The following SLC22A16 variants were observed in gnomAD, a reference collection of about 807,000 sequenced individuals.
SLC22A16 encodes the protein WUGSC:RG331P03.1.
A neutral mutation model predicts 52.9 loss-of-function variants in SLC22A16; 53 were observed. That is an observed-to-expected ratio of 1.00 (90% confidence interval 0.80 to 1.26). SLC22A16 has a LOEUF of 1.26. Among genes scored for constraint, SLC22A16 ranks in the 50% most tolerant of loss-of-function variants. The pLI is 0.00. For synonymous variants in SLC22A16, 291 were observed against 268.8 expected (o/e 1.08, Z -0.81); for missense variants, 726 against 704.0 (o/e 1.03, Z -0.35).
intron 7 of SLC22A16, among the ~76,000 whole-genome samples, chr6:110,426,050 A>G (rs1291327510): frequency 2.0e-5 from 3 of 152,250 alleles, no homozygotes; most frequent in Non-Finnish European, 2.9e-5. Context: ...GCCAGATCAC[A>G]TCCATAACAG....
chr6:110,442,260 T>G lies in SLC22A16; in HGVS notation c.1167A>C (p.Leu389Phe). 1 of 1,614,000 alleles carries G rather than the reference T, an allele frequency of 6.2e-7. No individual in the cohort carries two copies. The highest frequency in any genetic ancestry group is 8.5e-7 in the Non-Finnish European group (1 of 1,179,950). The change falls in exon 4 of 8, where the codon TTA becomes TTC. Residue 389 changes from leucine to phenylalanine, a missense_variant. Leu to Phe is a conservative substitution (Grantham distance 22). Coordinates refer to ENST00000368919, the MANE Select transcript of SLC22A16 (RefSeq NM_033125.4). ...ACTACTTACCCAGGAGGAAGAGGTT[T>G]AAGTATTCATTGCCTCCTAAGTTAA... ...NSVNLGGNEY[L>F]NLFLLGVVEI...
Position 110,456,545 on chromosome 6 carries a change from A to AGTC in SLC22A16, c.525_526insGAC (p.Phe175_Ser176insAsp), listed in dbSNP as rs1197474858. On this transcript the variant is annotated inframe_insertion, in exon 2 of 8. Transcript: ENST00000368919. The stretch of plus-strand genomic sequence containing the variant: ...CTAAATATTTGATTTTACCTGTCAG[A>AGTC]AAAGTAGCCAAAAGTCACCGATCCC... 6.2e-7 allele frequency: 1 copy of AGTC among 1,613,784 alleles called. No individual in the cohort carries two copies.
chr6:110,447,106 T>C, intron 2 of SLC22A16, 116 bp from the exon 3 acceptor site: 2 of 759,068 alleles, frequency 2.6e-6, no homozygotes, highest in Non-Finnish European at 2.1e-6. Flanking sequence ...GCTTATGTAT[T>C]GATTGTTTTT....
Position 110,456,804 on chromosome 6 carries a change from C to A in SLC22A16, c.267G>T (p.Gln89His). ...GCTCCCAGATCTCACCATTCTGCAACTGCACCGTAACATAATCTTTCTGGC... is the reference window on the plus strand; with the variant it reads ...GCTCCCAGATCTCACCATTCTGCAAATGCACCGTAACATAATCTTTCTGGC... ...SSGQKDYVTV[Q>H]LQNGEIWELS... The change falls in exon 2 of 8, where the codon CAG becomes CAT. Residue 89 changes from glutamine (Q) to histidine (H), a missense_variant. Gln to His is a conservative substitution (Grantham distance 24). Transcript: ENST00000368919. 6.2e-7 allele frequency: 1 copy of A among 1,614,220 alleles called. No individual in the cohort carries two copies. The highest frequency in any genetic ancestry group is 8.5e-7 in the Non-Finnish European group (1 of 1,180,040).
intron 7 of SLC22A16, among the ~76,000 whole-genome samples, chr6:110,429,823 C>A (rs1334510545): frequency 6.6e-6 from 1 of 152,084 alleles, no homozygotes; most frequent in Non-Finnish European, 1.5e-5. Context: ...AAGCGGATAC[C>A]TGGAAGGCTA....
At chr6:110,454,830 AAT>A (rs796683846) in intron 2 of SLC22A16, among the ~76,000 whole-genome samples, 78 of 65,530 alleles carry the variant, frequency 1.2e-3, no homozygotes, top group African/African-American at 2.5e-3. Flanking sequence ...TATATTATAT[AAT>A]ATATATATTA....
chr6:110,427,656 C>T (rs1034851915), intron 7 of SLC22A16, among the ~76,000 whole-genome samples: 5 of 152,126 alleles, frequency 3.3e-5, no homozygotes, highest in African/African-American at 1.2e-4. Context: ...CGCACCACCA[C>T]GCTCGGCTAA....
At chr6:110,466,737 A>G (rs539754785) in intron 1 of SLC22A16, among the ~76,000 whole-genome samples, 1 of 152,310 alleles carries the variant, frequency 6.6e-6, no homozygotes, top group African/African-American at 2.4e-5. Flanking sequence ...AGAACTAAAA[A>G]TAGGACTACC....
intron 1 of SLC22A16, among the ~76,000 whole-genome samples, chr6:110,470,674 T>G (rs1273389626): frequency 6.6e-6 from 1 of 152,082 alleles, no homozygotes; most frequent in Non-Finnish European, 1.5e-5. Flanking sequence ...TCTCTTTGTG[T>G]CTTTTTCTCT....
At chr6:110,443,369 CA>C (rs1775049731) in intron 3 of SLC22A16, among the ~76,000 whole-genome samples, 1 of 152,076 alleles carries the variant, frequency 6.6e-6, no homozygotes, top group Non-Finnish European at 1.5e-5. Context: ...TAAAATCCAA[CA>C]ACAGCAAAAA....
chr6:110,476,400 G>T (rs1434587002), intron 1 of SLC22A16, 122 bp downstream of exon 1: 8 of 1,388,230 alleles, frequency 5.8e-6, no homozygotes, highest in Non-Finnish European at 7.4e-6. Context: ...ACTGCGCGGG[G>T]TGAGGAGGAA....
intron 4 of SLC22A16, chr6:110,440,431 C>T (rs1264752351): frequency 6.6e-6 from 1 of 152,142 alleles, no homozygotes; most frequent in African/African-American, 2.4e-5. Flanking sequence ...AAGGGAGAGA[C>T]TAAATTCTTC....
At position 110,451,811 on chromosome 6, in the gene SLC22A16, T is replaced by A. The variant is rs540900138; in HGVS notation, c.533+4727A>T. 7.2e-5 allele frequency among the ~76,000 whole-genome samples: 11 copies of A among 152,358 alleles called. No individual in the cohort carries two copies. In the South Asian group the frequency reaches 1.9e-3, roughly 26 times the overall value. On this transcript the variant is annotated intron_variant, in intron 2 of 7. Coordinates refer to ENST00000368919, the MANE Select transcript of SLC22A16 (RefSeq NM_033125.4). ...TTTTTCTTTCATGATCAATGTTTTTTGTGTTTTAGAAAAATCACCCTTTCT... is the reference window on the plus strand; with the variant it reads ...TTTTTCTTTCATGATCAATGTTTTTAGTGTTTTAGAAAAATCACCCTTTCT...
rs1491307797 is a variant in SLC22A16, at chr6:110,454,888, A to AT, written c.533+1649_533+1650insA. On this transcript the variant is annotated intron_variant, in intron 2 of 7. Transcript: ENST00000368919. ...ATATTATATATAATATATATATTAT[A>AT]ATATATATAATATATGTTATATTAT... Among the ~76,000 whole-genome samples the AT allele has an allele frequency of 4.0e-4, 34 of 84,872 alleles. 3 individuals carry two copies. Among genetic ancestry groups the AT allele is most frequent in the African/African-American group, 1.7e-3 (34 of 19,676 alleles). 55.7% of individuals were successfully genotyped at this position (84,872 alleles called of 152,430 possible).
chr6:110,466,416 C>A (rs1007812883), intron 1 of SLC22A16, among the ~76,000 whole-genome samples: 62 of 150,982 alleles, frequency 4.1e-4, no homozygotes, highest in African/African-American at 1.5e-3. Flanking sequence ...ATCCAGAATC[C>A]ATAAAGAACT....
chr6:110,440,184 C>T (rs1379497546), intron 4 of SLC22A16: 1 of 152,126 alleles, frequency 6.6e-6, no homozygotes, highest in Non-Finnish European at 1.5e-5. Context: ...TGATACTGAA[C>T]TTAGTGTGGA....
chr6:110,461,320 A>G (rs1775874323), intron 1 of SLC22A16, among the ~76,000 whole-genome samples: 2 of 152,174 alleles, frequency 1.3e-5, no homozygotes, highest in Admixed American at 6.5e-5. Flanking sequence ...GACAGTGTTT[A>G]AAAGAACTGA....
In SLC22A16 at chr6:110,442,276, C is replaced by A. The variant is rs757465367; in HGVS notation, c.1151G>T (p.Gly384Val). Residue 384 changes from glycine to valine, a missense_variant, in exon 4 of 8, where the codon GGA becomes GTA. Gly to Val is a moderately radical substitution (Grantham distance 109). Transcript: ENST00000368919. ...YSFSLNSVNL[G>V]GNEYLNLFLL... ...GAAGAGGTTTAAGTATTCATTGCCTCCTAAGTTAACAGAATTCAAGGAAAA... is the reference window on the plus strand; with the variant it reads ...GAAGAGGTTTAAGTATTCATTGCCTACTAAGTTAACAGAATTCAAGGAAAA... 6.2e-7 allele frequency: 1 copy of A among 1,614,132 alleles called. No homozygotes were observed. Among genetic ancestry groups the A allele is most frequent in the Non-Finnish European group, 8.5e-7 (1 of 1,180,022 alleles).
chr6:110,452,978 C>T (rs935602033), intron 2 of SLC22A16, among the ~76,000 whole-genome samples: 6 of 152,178 alleles, frequency 3.9e-5, no homozygotes, highest in Non-Finnish European at 5.9e-5. Context: ...TTTCCCACCT[C>T]TCTGTCTCTC....
Sources: gnomAD v4.1 joint callset for allele counts (sites outside exome capture counted in the v4.1 genomes callset) on GRCh38, gnomAD v4.1.1 for gene constraint, MANE v1.5 for transcripts, NCBI Gene and HGNC (gene_info 2026-07-23, HGNC 2026-07-21) for gene names.